The following METAP1D variants were observed in gnomAD, a reference collection of about 807,000 sequenced individuals.
METAP1D encodes the protein methionyl aminopeptidase type 1D, mitochondrial, also known as methionine aminopeptidase 1D, mitochondrial.
METAP1D carries 31 observed loss-of-function variants against 40.5 expected under a neutral mutation model. That is an observed-to-expected ratio of 0.77 (90% CI 0.58 to 1.03). The LOEUF (loss-of-function observed/expected upper bound fraction) is 1.03, where lower values mean the gene tolerates loss of function less well. Among genes scored for constraint, METAP1D ranks in the 50% least tolerant of loss-of-function variants. The pLI is 0.00. For missense variants in METAP1D, 411 were observed against 420.7 expected (o/e 0.98, Z 0.20); for synonymous variants, 151 against 146.4 (o/e 1.03, Z -0.22).
At chr2:172,072,136 C>A (rs981128542) in intron 6 of METAP1D, among the ~76,000 whole-genome samples, 2 of 152,134 alleles carry the variant, frequency 1.3e-5, no homozygotes, top group Non-Finnish European at 2.9e-5. Flanking sequence ...TCTGTTCTTT[C>A]ATAGGAAATG....
intron 6 of METAP1D, among the ~76,000 whole-genome samples, chr2:172,077,355 A>C (rs886989038): frequency 1.3e-5 from 2 of 152,258 alleles, no homozygotes; most frequent in Non-Finnish European, 2.9e-5. Context: ...TCTATATTGT[A>C]ATTTGTTTTA....
chr2:172,010,231 C>A (rs1240276732), intron 1 of METAP1D, among the ~76,000 whole-genome samples: 4 of 150,840 alleles, frequency 2.7e-5, no homozygotes, highest in Non-Finnish European at 1.5e-5. Flanking sequence ...GCCTTGACCT[C>A]CCAGGCCCAA....
intron 3 of METAP1D, 180 bp downstream of exon 3, chr2:172,064,040 A>T: frequency 1.4e-6 from 1 of 705,798 alleles, no homozygotes; most frequent in Non-Finnish European, 2.0e-6. Context: ...AAGGAATTTT[A>T]TTATTTTATG....
intron 1 of METAP1D, among the ~76,000 whole-genome samples, chr2:172,024,455 T>C (rs1689078376): frequency 6.6e-6 from 1 of 152,004 alleles, no homozygotes; most frequent in South Asian, 2.1e-4. Context: ...CAAACAAGAA[T>C]AATTCTGAGA....
chr2:172,034,404 T>TG lies in METAP1D; in HGVS notation c.41-27094_41-27093insG, dbSNP rs1214071901. The stretch of plus-strand genomic sequence containing the variant: ...TCATTAGCCTCCATAAGTCTCAGTT[T>TG]TTGTGTGTGTGTGTGTGTGTGTGTG... On this transcript the variant is annotated intron_variant, in intron 1 of 9. Transcript: ENST00000315796. Among the ~76,000 whole-genome samples the TG allele has an allele frequency of 5.2e-4, 68 of 131,348 alleles. 1 individual carries two copies. In the East Asian group the frequency reaches 0.016, roughly 30 times the overall value. The allele number at this position is 131,348 out of a possible 152,430, so 86.2% of individuals were successfully genotyped here. A position where few individuals can be genotyped will look rare whatever the true frequency, so the allele number is the denominator to read the frequency against.
chr2:172,068,250 C>T (rs1470551955), intron 5 of METAP1D, among the ~76,000 whole-genome samples: 6 of 151,864 alleles, frequency 4.0e-5, no homozygotes, highest in Non-Finnish European at 8.8e-5. Context: ...AAAATTAGCC[C>T]TGTGTGGGGG....
chr2:172,050,885 A>C (rs1289053554), intron 1 of METAP1D, among the ~76,000 whole-genome samples: 1 of 152,216 alleles, frequency 6.6e-6, no homozygotes, highest in Non-Finnish European at 1.5e-5. Context: ...CATTTTAACC[A>C]CGGCCCTAAT....
chr2:172,021,752 A>T (rs1475856828), intron 1 of METAP1D: 2 of 152,142 alleles, frequency 1.3e-5, no homozygotes, highest in African/African-American at 2.4e-5. Flanking sequence ...CTCCGGATAC[A>T]CCCAAGACCT....
intron 1 of METAP1D, among the ~76,000 whole-genome samples, chr2:172,011,361 TGCAAGCTCC>T (rs951644530): frequency 2.7e-5 from 4 of 150,766 alleles, no homozygotes; most frequent in African/African-American, 9.8e-5. Flanking sequence ...CTCGGCTCAC[TGCAAGCTCC>T]GCATCCCAGG....
At chr2:172,055,264 A>G (rs1559013775) in intron 1 of METAP1D, among the ~76,000 whole-genome samples, 2 of 117,242 alleles carry the variant, frequency 1.7e-5, no homozygotes, top group Non-Finnish European at 2.1e-5. Context: ...TCATGCATCA[A>G]ATTTGTTGTA....
chr2:172,019,333 C>T (rs761928589), intron 1 of METAP1D, among the ~76,000 whole-genome samples: 9 of 152,146 alleles, frequency 5.9e-5, no homozygotes, highest in Non-Finnish European at 8.8e-5. Context: ...TCAGAGACTA[C>T]ACAGAGAAGA....
chr2:172,043,688 T>A (rs1689671612), intron 1 of METAP1D, among the ~76,000 whole-genome samples: 1 of 134,568 alleles, frequency 7.4e-6, no homozygotes. Context: ...GATAGACAAA[T>A]AACAAGAAAT....
At chr2:172,014,663 C>T (rs889072216) in intron 1 of METAP1D, among the ~76,000 whole-genome samples, 8 of 151,542 alleles carry the variant, frequency 5.3e-5, no homozygotes, top group Non-Finnish European at 1.2e-4. Context: ...ATCTTTTTTT[C>T]TTTTTTTGAA....
chr2:172,025,979 A>T (rs975241994), intron 1 of METAP1D, among the ~76,000 whole-genome samples: 1 of 152,224 alleles, frequency 6.6e-6, no homozygotes, highest in Non-Finnish European at 1.5e-5. Context: ...TTAAAGATAT[A>T]TGATGGTTAA....
intron 1 of METAP1D, among the ~76,000 whole-genome samples, chr2:172,055,597 C>T (rs544349700): frequency 2.6e-5 from 4 of 152,256 alleles, no homozygotes; most frequent in South Asian, 2.1e-4. Flanking sequence ...TTCTTCATTT[C>T]CCCTGTGAAA....
At chr2:172,032,086 C>G (rs1043325057) in intron 1 of METAP1D, among the ~76,000 whole-genome samples, 1 of 152,138 alleles carries the variant, frequency 6.6e-6, no homozygotes, top group Non-Finnish European at 1.5e-5. Flanking sequence ...GCTAATTTTA[C>G]CTGTTTTCTT....
intron 1 of METAP1D, among the ~76,000 whole-genome samples, chr2:172,059,788 CG>C (rs1401714191): frequency 6.6e-6 from 1 of 152,164 alleles, no homozygotes; most frequent in East Asian, 1.9e-4. Context: ...GCGGTGGCTA[CG>C]CCCGTAATCC....
intron 1 of METAP1D, among the ~76,000 whole-genome samples, chr2:172,034,390 C>A (rs1689321028): frequency 6.7e-6 from 1 of 149,640 alleles, no homozygotes; most frequent in African/African-American, 2.5e-5. Flanking sequence ...CATTAGCCTC[C>A]ATAAGTCTCA....
At chr2:172,069,314 A>G (rs2105488479) in intron 5 of METAP1D, among the ~76,000 whole-genome samples, 1 of 152,340 alleles carries the variant, frequency 6.6e-6, no homozygotes, top group East Asian at 1.9e-4. Context: ...ATAAACATTC[A>G]TTTATACATT....
Sources: allele counts gnomAD v4.1 joint callset (sites outside exome capture counted in the v4.1 genomes callset), GRCh38; gene constraint gnomAD v4.1.1; transcripts MANE v1.5; gene names NCBI Gene and HGNC (gene_info 2026-07-23, HGNC 2026-07-21).